Variants in MYO16 observed in about 807,000 individuals in gnomAD.
MYO16 encodes the protein unconventional myosin-XVI.
In MYO16, 94 loss-of-function variants were observed where a neutral mutation model predicts 205.3. The observed-to-expected ratio is 0.46, with a 90% CI of 0.39 to 0.54. The LOEUF (loss-of-function observed/expected upper bound fraction) is 0.54. Among genes scored for constraint, MYO16 ranks in the 20% least tolerant of loss-of-function variants. MYO16 has a pLI of 0.00. For missense variants in MYO16, 2,315 were observed against 2,387.5 expected (o/e 0.97, Z 0.63); for synonymous variants, 988 against 954.0 (o/e 1.04, Z -0.66).
intron 21 of MYO16, among the ~76,000 whole-genome samples, chr13:109,007,486 G>A (rs1270815859): frequency 6.6e-6 from 1 of 151,588 alleles, no homozygotes; most frequent in East Asian, 1.9e-4. Context: ...TATTAGAGTG[G>A]TTTCAAGAGG....
chr13:108,796,732 A>G (rs1235263474), intron 6 of MYO16, among the ~76,000 whole-genome samples: 1 of 134,456 alleles, frequency 7.4e-6, no homozygotes, highest in African/African-American at 2.8e-5. Context: ...ACACATGGAC[A>G]CAGGAAGGGG....
At chr13:108,819,616 G>A (rs753273868) in intron 7 of MYO16, among the ~76,000 whole-genome samples, 1 of 151,590 alleles carries the variant, frequency 6.6e-6, no homozygotes, top group Admixed American at 6.6e-5. Flanking sequence ...TTTCATTATT[G>A]CCCTTTCAAT....
intron 4 of MYO16, among the ~76,000 whole-genome samples, chr13:108,754,119 C>T (rs554696124): frequency 1.9e-4 from 29 of 152,100 alleles, no homozygotes; most frequent in Non-Finnish European, 4.0e-4. Flanking sequence ...GCATGCAGAA[C>T]AAACTGTAGC....
rs773628094 is a variant in MYO16, at chr13:109,140,598, C to T, written c.4386C>T (p.Pro1462=). 1.3e-6 allele frequency: 2 copies of T among 1,521,536 alleles called. No individual in the cohort carries two copies. The highest frequency in any genetic ancestry group is 2.0e-5 in the Admixed American group (1 of 49,084). 94.3% of individuals were successfully genotyped at this position (1,521,536 alleles called of 1,614,324 possible). ...SVYEEMKCCL[P]DDGGPGAGSF... is the part of the protein sequence containing the mutation. ...ACGAGGAGATGAAGTGTTGCCTGCC[C>T]GACGACGGCGGCCCGGGCGCGGGCT... Residue 1462 remains proline (P), a synonymous_variant, in exon 32 of 35, where the codon CCC becomes CCT. Transcript: ENST00000457511. The surrounding 1 kb of genome is among the most constrained non-coding windows in gnomAD (Gnocchi z 8.0).
At chr13:108,687,113 T>A (rs1452013262) in intron 2 of MYO16, among the ~76,000 whole-genome samples, 2 of 152,232 alleles carry the variant, frequency 1.3e-5, no homozygotes, top group Non-Finnish European at 2.9e-5. Context: ...GATTCACATA[T>A]AATGACTGAT....
At chr13:109,062,179 G>A (rs909950338) in intron 27 of MYO16, among the ~76,000 whole-genome samples, 39 of 152,006 alleles carry the variant, frequency 2.6e-4, no homozygotes, top group Admixed American at 7.9e-4. Context: ...TTAGGATTAC[G>A]CTTTTGCTAA....
At chr13:108,572,729 G>T in the MYO16 span, among the ~76,000 whole-genome samples, 4 of 152,148 alleles carry the variant, frequency 2.6e-5, no homozygotes, top group Admixed American at 2.0e-4. Context: ...TTTCAACTTG[G>T]TGACCTCCAC....
chr13:108,504,077 T>C, the MYO16 span, among the ~76,000 whole-genome samples: 1 of 152,196 alleles, frequency 6.6e-6, no homozygotes, highest in South Asian at 2.1e-4. Context: ...ATGTTAACTA[T>C]GTGGGCATTG....
intron 31 of MYO16, among the ~76,000 whole-genome samples, chr13:109,129,372 G>A (rs954277215): frequency 2.0e-5 from 3 of 152,048 alleles, no homozygotes; most frequent in Non-Finnish European, 4.4e-5. Flanking sequence ...AGATGAGATC[G>A]TCCATAGGAA....
intron 14 of MYO16, among the ~76,000 whole-genome samples, chr13:108,894,797 C>T (rs1025274742): frequency 6.6e-6 from 1 of 152,122 alleles, no homozygotes; most frequent in African/African-American, 2.4e-5. Flanking sequence ...GCTTTGTTCC[C>T]CCACAAAGTT....
intron 14 of MYO16, among the ~76,000 whole-genome samples, chr13:108,890,988 G>A (rs907319135): frequency 1.4e-4 from 21 of 152,098 alleles, no homozygotes; most frequent in African/African-American, 4.8e-4. Flanking sequence ...TTAACAAAGG[G>A]CTACCCAGTG....
At chr13:108,972,670 C>G (rs530583251) in intron 20 of MYO16, among the ~76,000 whole-genome samples, 1 of 151,296 alleles carries the variant, frequency 6.6e-6, no homozygotes, top group Non-Finnish European at 1.5e-5. Context: ...TTGTAGTAAG[C>G]GAGGATCATC....
chr13:109,063,949 C>A (rs1053865687), intron 27 of MYO16, among the ~76,000 whole-genome samples: 26 of 152,022 alleles, frequency 1.7e-4, no homozygotes, highest in African/African-American at 5.8e-4. Flanking sequence ...TATAAAATAC[C>A]AGATAAGTTG....
intron 16 of MYO16, among the ~76,000 whole-genome samples, chr13:108,940,472 A>T (rs1349634055): frequency 6.6e-6 from 1 of 152,178 alleles, no homozygotes; most frequent in Non-Finnish European, 1.5e-5. Flanking sequence ...AATGTTAACA[A>T]TTCTGCAAAT....
intron 6 of MYO16, among the ~76,000 whole-genome samples, chr13:108,798,128 T>C (rs1279303591): frequency 1.3e-5 from 2 of 152,228 alleles, no homozygotes; most frequent in Admixed American, 6.5e-5. Flanking sequence ...GATTCACATG[T>C]CTGAATTGGT....
intron 1 of MYO16, 137 bp from the exon 2 acceptor site, chr13:108,665,749 T>A: frequency 1.1e-6 from 1 of 885,398 alleles, no homozygotes; most frequent in South Asian, 3.0e-5. Flanking sequence ...GGCTTTGGAT[T>A]TGCAATATCA....
intron 23 of MYO16, among the ~76,000 whole-genome samples, chr13:109,031,381 A>G (rs952031394): frequency 6.6e-6 from 1 of 152,182 alleles, no homozygotes; most frequent in African/African-American, 2.4e-5. Flanking sequence ...ATTTTTACTT[A>G]AAGGAATATT....
At chr13:108,522,541 T>A in the MYO16 span, among the ~76,000 whole-genome samples, 1 of 152,162 alleles carries the variant, frequency 6.6e-6, no homozygotes, top group African/African-American at 2.4e-5. Context: ...CATAATAAAT[T>A]GACTCCAATA....
chr13:109,034,160 A>C (rs115140272), intron 23 of MYO16, among the ~76,000 whole-genome samples: 2,181 of 152,064 alleles, frequency 0.014, 41 homozygotes, highest in African/African-American at 0.05. Context: ...AGATACAGAC[A>C]TATAAGTTAA....
Sources: gnomAD v4.1 joint callset for allele counts (sites outside exome capture counted in the v4.1 genomes callset) on GRCh38, gnomAD v4.1.1 for gene constraint, Gnocchi (gnomAD v3.1) non-coding constraint, MANE v1.5 for transcripts, NCBI Gene and HGNC (gene_info 2026-07-23, HGNC 2026-07-21) for gene names.